Variants in FAM222B observed in about 807,000 individuals in gnomAD.
FAM222B encodes the protein family with sequence similarity 222 member B.
In FAM222B, 12 loss-of-function variants were observed where a neutral mutation model predicts 38.0. The ratio of observed to expected loss-of-function variants is 0.32; its 90% CI spans 0.20 to 0.51. FAM222B has a LOEUF of 0.51. Ranked by LOEUF, FAM222B falls within the 20% of genes least tolerant of loss-of-function variation. FAM222B has a pLI of 0.97. For synonymous variants in FAM222B, 329 were observed against 317.2 expected, an observed-to-expected ratio of 1.04 and a Z score of -0.40; for missense variants, 716 against 754.2, an observed-to-expected ratio of 0.95 and a Z score of 0.59.
At chr17:28,797,373 A>G (rs545435531) in intron 1 of FAM222B, among the ~76,000 whole-genome samples, 1 of 152,216 alleles carries the variant, frequency 6.6e-6, no homozygotes, top group Admixed American at 6.5e-5. Flanking sequence ...TAAAGGAGGA[A>G]GCAGATCTGT....
At chr17:28,840,916 G>A (rs1053616061) in intron 1 of FAM222B, among the ~76,000 whole-genome samples, 1 of 149,862 alleles carries the variant, frequency 6.7e-6, no homozygotes, top group South Asian at 2.1e-4. Flanking sequence ...AACCAAGTTC[G>A]CACCACTGCA....
chr17:28,850,699 C>T (rs2039175014), intron 1 of FAM222B, among the ~76,000 whole-genome samples: 1 of 152,074 alleles, frequency 6.6e-6, no homozygotes, highest in Non-Finnish European at 1.5e-5. Flanking sequence ...TTTGTAGGTT[C>T]TGTCTGTTTG....
At chr17:28,767,766 G>A (rs191548537) in intron 1 of FAM222B, among the ~76,000 whole-genome samples, 2 of 152,256 alleles carry the variant, frequency 1.3e-5, no homozygotes, top group East Asian at 1.9e-4. Context: ...ATGAGCCACC[G>A]CACCCGGCCG....
intron 1 of FAM222B, among the ~76,000 whole-genome samples, chr17:28,817,929 C>A (rs902666450): frequency 2.0e-5 from 3 of 152,104 alleles, no homozygotes; most frequent in Non-Finnish European, 2.9e-5. Flanking sequence ...ACATTTCTGG[C>A]CTTAATCTAA....
intron 1 of FAM222B, among the ~76,000 whole-genome samples, chr17:28,795,628 C>T (rs2036905546): frequency 6.6e-6 from 1 of 152,076 alleles, no homozygotes; most frequent in South Asian, 2.1e-4. Flanking sequence ...GAAGGAGTTT[C>T]ACCATGTTTC....
intron 1 of FAM222B, among the ~76,000 whole-genome samples, chr17:28,799,715 C>T (rs1205281166): frequency 6.6e-6 from 1 of 152,148 alleles, no homozygotes; most frequent in African/African-American, 2.4e-5. Context: ...TCAAGTGATC[C>T]TCCTGCCTCA....
intron 1 of FAM222B, among the ~76,000 whole-genome samples, chr17:28,769,677 T>G (rs2035528994): frequency 6.6e-6 from 1 of 152,234 alleles, no homozygotes. Context: ...AATCCTAACA[T>G]GGACCCCAAG....
intron 1 of FAM222B, among the ~76,000 whole-genome samples, chr17:28,824,280 G>A (rs765844939): frequency 6.6e-6 from 1 of 151,624 alleles, no homozygotes; most frequent in Non-Finnish European, 1.5e-5. Flanking sequence ...CACCCCCTGG[G>A]CTCAAGCCAT....
chr17:28,852,456 G>A (rs1478668360), intron 1 of FAM222B, among the ~76,000 whole-genome samples: 1 of 151,968 alleles, frequency 6.6e-6, no homozygotes, highest in Non-Finnish European at 1.5e-5. Context: ...GGAATACATG[G>A]TGAAACCCCA....
intron 1 of FAM222B, among the ~76,000 whole-genome samples, chr17:28,851,048 G>A (rs2039177418): frequency 2.0e-5 from 3 of 152,012 alleles, no homozygotes; most frequent in South Asian, 4.1e-4. Flanking sequence ...GAACCCAGGA[G>A]GTGGAGGTTG....
intron 1 of FAM222B, among the ~76,000 whole-genome samples, chr17:28,853,465 C>T (rs1298165662): frequency 6.6e-6 from 1 of 152,026 alleles, no homozygotes; most frequent in Non-Finnish European, 1.5e-5. Context: ...TAATTTCCAC[C>T]CTCCCATCCT....
In FAM222B at chr17:28,759,540, G is replaced by A; in HGVS notation, c.419C>T (p.Ala140Val). ...NPPVAPYATV[A>V]PSTLAHPQAQ... is the part of the protein sequence containing the mutation. Reference sequence around the variant, plus strand: ...CTGGGGGTGGGCTAAAGTGCTGGGTGCCACAGTAGCATAGGGTGCCACTGG... The same window carrying A: ...CTGGGGGTGGGCTAAAGTGCTGGGTACCACAGTAGCATAGGGTGCCACTGG... The change falls in exon 3 of 3, where the codon GCA becomes GTA. Residue 140 changes from alanine (A) to valine (V), a missense_variant. Ala to Val is a moderately conservative substitution (Grantham distance 64, BLOSUM62 0). Coordinates refer to ENST00000581407, the MANE Select transcript of FAM222B (RefSeq NM_001077498.3). This position sits in a 1 kb window ranked among gnomAD's most constrained non-coding sequence, Gnocchi z 4.8. 1.2e-6 allele frequency: 2 copies of A among 1,600,126 alleles called. No individual in the cohort carries two copies. The highest frequency in any genetic ancestry group is 1.7e-6 in the Non-Finnish European group (2 of 1,172,044).
At chr17:28,762,399 G>A (rs1054565417) in intron 2 of FAM222B, among the ~76,000 whole-genome samples, 27 of 151,980 alleles carry the variant, frequency 1.8e-4, no homozygotes, top group Non-Finnish European at 3.2e-4. Context: ...AGGCCGAGGC[G>A]GGTGGATCAT....
chr17:28,770,571 A>ATTT (rs777229068), intron 1 of FAM222B, among the ~76,000 whole-genome samples: 1 of 92,000 alleles, frequency 1.1e-5, no homozygotes, highest in Non-Finnish European at 2.4e-5. Flanking sequence ...CCCAGCTAAT[A>ATTT]TTTTTTTTTT....
At chr17:28,771,820 C>T (rs1190843666) in intron 1 of FAM222B, among the ~76,000 whole-genome samples, 6 of 151,990 alleles carry the variant, frequency 3.9e-5, no homozygotes, top group Admixed American at 6.6e-5. Context: ...TTTGGGAGGC[C>T]GAGGTGGGCG....
chr17:28,790,915 T>TTA (rs752443903), intron 1 of FAM222B, among the ~76,000 whole-genome samples: 9 of 121,046 alleles, frequency 7.4e-5, no homozygotes, highest in African/African-American at 9.7e-5. Context: ...TTTTTTTTTT[T>TTA]AGAGACAGAA....
chr17:28,769,304 G>C (rs1458362406), intron 1 of FAM222B, among the ~76,000 whole-genome samples: 1 of 144,798 alleles, frequency 6.9e-6, no homozygotes, highest in South Asian at 2.3e-4. Context: ...TCAGCCTCCC[G>C]AGTAGCTGGG....
chr17:28,835,315 G>A (rs2038805734), intron 1 of FAM222B, among the ~76,000 whole-genome samples: 1 of 151,952 alleles, frequency 6.6e-6, no homozygotes, highest in Non-Finnish European at 1.5e-5. Flanking sequence ...GATTACAGGT[G>A]TAAGCCACTG....
chr17:28,816,225 C>T (rs1359559825), intron 1 of FAM222B, among the ~76,000 whole-genome samples: 1 of 147,154 alleles, frequency 6.8e-6, no homozygotes, highest in Non-Finnish European at 1.5e-5. Flanking sequence ...TACAATGAGC[C>T]AAGATCATGC....
Sources: allele counts gnomAD v4.1 joint callset (sites outside exome capture counted in the v4.1 genomes callset), GRCh38; gene constraint gnomAD v4.1.1; non-coding constraint Gnocchi (gnomAD v3.1); transcripts MANE v1.5; gene names NCBI Gene and HGNC (gene_info 2026-07-23, HGNC 2026-07-21).